PDE8B: variants seen among roughly 807,000 people sequenced by gnomAD.
PDE8B encodes the protein phosphodiesterase 8B.
PDE8B carries 26 observed loss-of-function variants against 101.3 expected under a neutral mutation model. The observed-to-expected ratio is 0.26, with a 90% confidence interval of 0.19 to 0.36. The LOEUF is 0.36. Ranked by LOEUF, PDE8B falls within the 10% of genes least tolerant of loss-of-function variation. The pLI is 1.00. For missense variants in PDE8B, 810 were observed against 1,163.1 expected (o/e 0.70, Z 4.42); for synonymous variants, 424 against 429.3 (o/e 0.99, Z 0.15).
At chr5:77,408,817 G>C in intron 13 of PDE8B, 76 bp from the exon 14 acceptor site, 4 of 1,177,774 alleles carry the variant, frequency 3.4e-6, no homozygotes, top group Non-Finnish European at 5.1e-6. Flanking sequence ...ATTTCTTTTG[G>C]ATTCTGGGCA....
At chr5:77,117,517 G>A in the PDE8B span, among the ~76,000 whole-genome samples, 1 of 152,166 alleles carries the variant, frequency 6.6e-6, no homozygotes, top group Non-Finnish European at 1.5e-5. Context: ...TATGGTTCCT[G>A]GGTGCTGGGG....
chr5:77,215,851 T>TGGGAATGTTGGGGCCAGGC (rs1749571970), intron 1 of PDE8B, among the ~76,000 whole-genome samples: 1 of 152,050 alleles, frequency 6.6e-6, no homozygotes, highest in Non-Finnish European at 1.5e-5. Flanking sequence ...AGGGAGCAGG[T>TGGGAATGTTGGGGCCAGGC]GGGAATGTTG....
At chr5:77,271,376 T>A (rs1762767830) in intron 1 of PDE8B, among the ~76,000 whole-genome samples, 1 of 152,170 alleles carries the variant, frequency 6.6e-6, no homozygotes, top group Admixed American at 6.5e-5. Context: ...GTACGTGATC[T>A]TGAGAAAGTA....
the PDE8B span, among the ~76,000 whole-genome samples, chr5:77,188,548 A>G: frequency 6.6e-6 from 1 of 152,188 alleles, no homozygotes; most frequent in Admixed American, 6.5e-5. Flanking sequence ...TGTCACTCAT[A>G]TCATGAGAAT....
At chr5:77,111,261 G>C in the PDE8B span, among the ~76,000 whole-genome samples, 1 of 152,160 alleles carries the variant, frequency 6.6e-6, no homozygotes, top group Non-Finnish European at 1.5e-5. Flanking sequence ...ACAGATTGGG[G>C]ATTATTCACA....
chr5:77,107,062 C>T, the PDE8B span, among the ~76,000 whole-genome samples: 4 of 152,230 alleles, frequency 2.6e-5, no homozygotes, highest in Non-Finnish European at 5.9e-5. Context: ...TCCCCCTACC[C>T]TACGACAGGC....
At chr5:77,180,376 C>T in the PDE8B span, 2 of 902,828 alleles carry the variant, frequency 2.2e-6, no homozygotes, top group South Asian at 1.0e-4. Context: ...GTGCGCCAGG[C>T]CGGTGCCCTC....
intron 10 of PDE8B, among the ~76,000 whole-genome samples, chr5:77,370,257 A>G (rs1351723038): frequency 6.6e-6 from 1 of 152,200 alleles, no homozygotes; most frequent in Non-Finnish European, 1.5e-5. Context: ...AAACCCTAAG[A>G]AGACGTAGAA....
chr5:77,116,222 ATATTTTTT>A, the PDE8B span, among the ~76,000 whole-genome samples: 968 of 92,588 alleles, frequency 0.01, 3 homozygotes, highest in Non-Finnish European at 0.014. Flanking sequence ...ATATATATAT[ATATTTTTT>A]TTTTTTTTTT....
chr5:77,155,709 C>T, the PDE8B span, among the ~76,000 whole-genome samples: 3 of 152,122 alleles, frequency 2.0e-5, no homozygotes, highest in African/African-American at 7.2e-5. Context: ...AAACTGATTT[C>T]TCAGAGGTTG....
At position 77,268,033 on chromosome 5, in the gene PDE8B, A is replaced by G. The variant is rs1762087406; in HGVS notation, c.340-43961A>G. Among the ~76,000 whole-genome samples the G allele has an allele frequency of 7.3e-5, 11 of 151,674 alleles. No individual in the cohort carries two copies. In the South Asian group the frequency reaches 2.3e-3, roughly 32 times the overall value. On this transcript the variant is annotated intron_variant, in intron 1 of 21. Coordinates refer to ENST00000264917, the MANE Select transcript of PDE8B (RefSeq NM_003719.5). ...AGCTTAGTGATTATCTTCATTTAAC[A>G]GGTTAAAAAAAAAAAAGAAAACCAA...
At chr5:77,406,405 A>G (rs1349266006) in intron 12 of PDE8B, among the ~76,000 whole-genome samples, 1 of 152,264 alleles carries the variant, frequency 6.6e-6, no homozygotes, top group Non-Finnish European at 1.5e-5. Context: ...AGAGAATATG[A>G]ATCGAGAGAT....
Position 77,419,857 on chromosome 5 carries a change from G to T in PDE8B, c.2220G>T (p.Val740=). 2 of 1,614,076 alleles carry T rather than the reference G, an allele frequency of 1.2e-6. No homozygotes were observed. Among genetic ancestry groups the T allele is most frequent in the South Asian group, 2.2e-5 (2 of 91,038 alleles). The change falls in exon 19 of 22, where the codon GTG becomes GTT. Residue 740 remains valine, a synonymous_variant. Transcript: ENST00000264917. ...ACTTTGAACATGTGAATAAGTTTGT[G>T]AACAGCATCAACAAGCCAATGGCAG... ...TKHFEHVNKF[V]NSINKPMAAE...
intron 20 of PDE8B, among the ~76,000 whole-genome samples, chr5:77,424,619 A>C (rs756857651): frequency 2.0e-5 from 3 of 152,220 alleles, no homozygotes; most frequent in African/African-American, 4.8e-5. Context: ...GTTCAGCTCA[A>C]TTCAAGTGCA....
At chr5:77,419,539 T>G (rs138389598) in intron 18 of PDE8B, among the ~76,000 whole-genome samples, 1 of 152,338 alleles carries the variant, frequency 6.6e-6, no homozygotes, top group Non-Finnish European at 1.5e-5. Flanking sequence ...CTCTCTTTTT[T>G]AAAATACTCA....
chr5:77,155,599 A>G, the PDE8B span, among the ~76,000 whole-genome samples: 1 of 152,342 alleles, frequency 6.6e-6, no homozygotes, highest in East Asian at 1.9e-4. Context: ...GATGAAAGGT[A>G]TGAATTCGTG....
intron 10 of PDE8B, among the ~76,000 whole-genome samples, chr5:77,376,467 C>G (rs1786155913): frequency 6.6e-6 from 1 of 152,212 alleles, no homozygotes; most frequent in African/African-American, 2.4e-5. Context: ...TGAATAATTT[C>G]ATTGTGACAG....
intron 17 of PDE8B, among the ~76,000 whole-genome samples, chr5:77,417,624 A>G (rs1795841529): frequency 6.6e-6 from 1 of 152,168 alleles, no homozygotes; most frequent in South Asian, 2.1e-4. Flanking sequence ...GAGCTTTCGA[A>G]TTAGGGTTTC....
the PDE8B span, among the ~76,000 whole-genome samples, chr5:77,179,824 G>T: frequency 1.3e-5 from 2 of 152,268 alleles, no homozygotes; most frequent in South Asian, 4.1e-4. Context: ...GCCTCTCAAA[G>T]TGTCAGGATT....
Sources: allele counts gnomAD v4.1 joint callset (sites outside exome capture counted in the v4.1 genomes callset), GRCh38; gene constraint gnomAD v4.1.1; transcripts MANE v1.5; gene names NCBI Gene and HGNC (gene_info 2026-07-23, HGNC 2026-07-21).